Variants in PAH observed in about 807,000 individuals in gnomAD.
PAH encodes phenylalanine-4-hydroxylase.
In PAH, 64 loss-of-function variants were observed where a neutral mutation model predicts 62.0. That is an observed-to-expected ratio of 1.03 (90% CI 0.84 to 1.27). The LOEUF (loss-of-function observed/expected upper bound fraction) is 1.27. Ranked by LOEUF, PAH falls within the 50% of genes most tolerant of loss-of-function variation. The probability of loss-of-function intolerance (pLI) is 0.00; values close to 1 mark genes in which losing one functional copy is unlikely to be tolerated. For missense variants in PAH, 579 were observed against 542.8 expected (o/e 1.07, Z -0.66); for synonymous variants, 195 against 196.2 (o/e 0.99, Z 0.05).
intron 2 of PAH, among the ~76,000 whole-genome samples, chr12:102,908,547 C>T (rs1202767853): frequency 6.6e-6 from 1 of 152,128 alleles, no homozygotes. Flanking sequence ...ACATTCTCCT[C>T]CCCCAGGTTT....
chr12:102,856,260 T>C (rs73387596), intron 5 of PAH, among the ~76,000 whole-genome samples: 3,548 of 152,148 alleles, frequency 0.023, 130 homozygotes, highest in African/African-American at 0.08. Flanking sequence ...GGCTCACATA[T>C]CTGGATTCTA....
chr12:102,946,434 T>C (rs540385132), intron 1 of PAH: 25 of 152,364 alleles, frequency 1.6e-4, no homozygotes, highest in African/African-American at 5.8e-4. Context: ...AACTAAACTT[T>C]TGAACACTAG....
chr12:102,855,522 C>A (rs1186276645), intron 5 of PAH, among the ~76,000 whole-genome samples, 190 bp from the exon 6 acceptor site: 1 of 152,044 alleles, frequency 6.6e-6, no homozygotes, highest in African/African-American at 2.4e-5. Flanking sequence ...TTTGATTTCC[C>A]ACATGAAAGG....
chr12:102,917,229 G>C lies in PAH; in HGVS notation c.-99C>G. On this transcript the variant is annotated 5_prime_UTR_variant, in exon 1 of 13. Transcript: ENST00000553106. ...GGCTGAAGGTTTTAACCTCGCACTA[G>C]GGAGGAGAAGAGAGTTACAAAGGGT... 1 of 978,938 alleles carries C rather than the reference G, an allele frequency of 1.0e-6. No individual in the cohort carries two copies. Among genetic ancestry groups the C allele is most frequent in the Non-Finnish European group, 1.6e-6 (1 of 613,568 alleles). 60.6% of individuals were successfully genotyped at this position (978,938 alleles called of 1,614,324 possible).
At chr12:102,930,643 C>CA (rs1429712288) in intron 1 of PAH, among the ~76,000 whole-genome samples, 8 of 152,218 alleles carry the variant, frequency 5.3e-5, no homozygotes, top group Non-Finnish European at 1.0e-4. Context: ...GCTGTCCACT[C>CA]TCCTGAGTTA....
chr12:102,920,940 G>A (rs973754671), upstream of PAH, among the ~76,000 whole-genome samples: 1 of 152,112 alleles, frequency 6.6e-6, no homozygotes, highest in Non-Finnish European at 1.5e-5. Context: ...GGACATCTAA[G>A]TCATTGCTAA....
At chr12:102,905,879 A>G (rs975574348) in intron 2 of PAH, among the ~76,000 whole-genome samples, 1 of 152,202 alleles carries the variant, frequency 6.6e-6, no homozygotes, top group African/African-American at 2.4e-5. Flanking sequence ...ACATGAAAAA[A>G]TGACTGAAAG....
chr12:102,846,891 T>G lies in PAH; in HGVS notation c.969+4A>C. 6.2e-7 allele frequency: 1 copy of G among 1,612,796 alleles called. No individual in the cohort carries two copies. Among genetic ancestry groups the G allele is most frequent in the African/African-American group, 1.3e-5 (1 of 74,970 alleles). On this transcript the variant is annotated splice_donor_region_variant and intron_variant, in intron 9 of 12. Coordinates refer to ENST00000553106, the MANE Select transcript of PAH (RefSeq NM_000277.3). ...CCATCCACCCAGGGAGAGAAGGGAC[T>G]TACTGTGGCGAGCTTTTCAATGTAT... is the stretch of plus-strand genomic sequence containing the variant.
At chr12:102,890,151 C>A (rs1003154050) in intron 3 of PAH, among the ~76,000 whole-genome samples, 4 of 152,178 alleles carry the variant, frequency 2.6e-5, no homozygotes, top group Non-Finnish European at 5.9e-5. Flanking sequence ...TTTTCTATCA[C>A]CCACATGGCT....
At chr12:102,840,057 A>G (rs1874517553) in intron 12 of PAH, among the ~76,000 whole-genome samples, 1 of 152,194 alleles carries the variant, frequency 6.6e-6, no homozygotes, top group Non-Finnish European at 1.5e-5. Flanking sequence ...TATAAAGTGG[A>G]TAGAACCAGG....
rs1879162102 is a variant in PAH at position 102,938,006 on chromosome 12, C to T, written c.-96+12583G>A. 2.0e-5 allele frequency among the ~76,000 whole-genome samples: 3 copies of T among 152,300 alleles called. 1 individual carries two copies. In the Middle Eastern group the frequency reaches 0.01, roughly 518 times the overall value. On this transcript the variant is annotated intron_variant, in intron 1 of 3. Coordinates refer to the PAH transcript ENST00000546844. The stretch of plus-strand genomic sequence containing the variant: ...CCAAGATGGCTGACCGAAGCAGCTA[C>T]TGTGCACCGCTCTCATGGAATGGAG...
intron 11 of PAH, among the ~76,000 whole-genome samples, chr12:102,843,217 A>G (rs1308029288): frequency 6.6e-6 from 1 of 152,136 alleles, no homozygotes; most frequent in Non-Finnish European, 1.5e-5. Context: ...GGTGGCAGGG[A>G]TGAGTAGAAA....
chr12:102,919,296 T>C (rs1290458357), upstream of PAH, among the ~76,000 whole-genome samples: 1 of 152,218 alleles, frequency 6.6e-6, no homozygotes, highest in Non-Finnish European at 1.5e-5. Flanking sequence ...CAACTCTTTT[T>C]TCTAATGTTT....
intron 5 of PAH, among the ~76,000 whole-genome samples, chr12:102,865,277 A>G (rs1875908348): frequency 6.6e-6 from 1 of 152,160 alleles, no homozygotes; most frequent in Non-Finnish European, 1.5e-5. Context: ...TATGAAGTGC[A>G]GTCTCTAGAC....
chr12:102,890,488 G>C (rs563052379), intron 3 of PAH, among the ~76,000 whole-genome samples: 1 of 152,350 alleles, frequency 6.6e-6, no homozygotes, highest in African/African-American at 2.4e-5. Context: ...GCAGATGCCA[G>C]GTCGTGGCAT....
In PAH at chr12:102,844,327, A is replaced by G; in HGVS notation, c.1065+9T>C. ...TTAAATCTATCCTTGGTTCCTGTGAAGGTCATACCTGTAATTCACCAAAGG... is the reference window on the plus strand; with the variant it reads ...TTAAATCTATCCTTGGTTCCTGTGAGGGTCATACCTGTAATTCACCAAAGG... On this transcript the variant is annotated intron_variant, in intron 10 of 12. Coordinates refer to ENST00000553106, the MANE Select transcript of PAH (RefSeq NM_000277.3). 1 of 1,579,152 alleles carries G rather than the reference A, an allele frequency of 6.3e-7. No individual in the cohort carries two copies. The highest frequency in any genetic ancestry group is 1.1e-5 in the South Asian group (1 of 90,342).
intron 6 of PAH, among the ~76,000 whole-genome samples, chr12:102,853,696 A>G (rs150707193): frequency 6.2e-4 from 94 of 152,318 alleles, no homozygotes; most frequent in African/African-American, 2.2e-3. Flanking sequence ...CACCATCTCT[A>G]TGGTTCCTGT....
At chr12:102,851,913 C>A in intron 7 of PAH, 157 bp from the exon 8 acceptor site, 3 of 645,248 alleles carry the variant, frequency 4.6e-6, no homozygotes, top group East Asian at 2.8e-5. Flanking sequence ...AGGTTGGGAT[C>A]ATAAAAGGCA....
intron 5 of PAH, among the ~76,000 whole-genome samples, chr12:102,860,256 G>A (rs1475627144): frequency 6.6e-6 from 1 of 152,134 alleles, no homozygotes; most frequent in Non-Finnish European, 1.5e-5. Flanking sequence ...AAAATACCTA[G>A]GAATCCAACT....
Sources: gnomAD v4.1 joint callset for allele counts (sites outside exome capture counted in the v4.1 genomes callset) on GRCh38, gnomAD v4.1.1 for gene constraint, MANE v1.5 for transcripts, NCBI Gene and HGNC (gene_info 2026-07-23, HGNC 2026-07-21) for gene names.